Variants in MCTP1 observed in about 807,000 individuals in gnomAD.
MCTP1 encodes the protein multiple C2 and transmembrane domain-containing protein 1.
In MCTP1, 69 loss-of-function variants were observed where a neutral mutation model predicts 120.6. The ratio of observed to expected loss-of-function variants is 0.57; its 90% CI spans 0.47 to 0.70. The LOEUF (loss-of-function observed/expected upper bound fraction) is 0.70. Ranked by LOEUF, MCTP1 falls within the 30% of genes least tolerant of loss-of-function variation. The pLI is 0.00. For missense variants in MCTP1, 1,203 were observed against 1,248.8 expected (o/e 0.96, Z 0.55); for synonymous variants, 529 against 493.1 (o/e 1.07, Z -0.96).
chr5:94,727,944 C>A (rs898202783), intron 19 of MCTP1, among the ~76,000 whole-genome samples: 5 of 152,138 alleles, frequency 3.3e-5, no homozygotes, highest in Non-Finnish European at 7.4e-5. Flanking sequence ...AAGGGCCTGG[C>A]AAATTTGAGG....
At chr5:95,067,131 G>A (rs1290419388) in intron 1 of MCTP1, among the ~76,000 whole-genome samples, 3 of 151,900 alleles carry the variant, frequency 2.0e-5, no homozygotes, top group African/African-American at 7.3e-5. Flanking sequence ...CAGATGCTGG[G>A]GAGGGGTGGG....
At chr5:95,030,647 C>T (rs1840110915) in intron 1 of MCTP1, among the ~76,000 whole-genome samples, 1 of 152,026 alleles carries the variant, frequency 6.6e-6, no homozygotes, top group Non-Finnish European at 1.5e-5. Flanking sequence ...CAGTCATACC[C>T]TCAAGGGAAA....
chr5:95,161,557 C>T (rs1280044383), intron 1 of MCTP1, among the ~76,000 whole-genome samples: 4 of 151,864 alleles, frequency 2.6e-5, no homozygotes, highest in South Asian at 4.2e-4. Flanking sequence ...TAAAATGGAT[C>T]GTATACTTCA....
chr5:95,175,495 T>G (rs1381818292), intron 1 of MCTP1, among the ~76,000 whole-genome samples: 1 of 152,158 alleles, frequency 6.6e-6, no homozygotes, highest in African/African-American at 2.4e-5. Flanking sequence ...GAGGAACAAT[T>G]AGAAAAACAT....
At chr5:94,842,966 T>C (rs36725) in intron 17 of MCTP1, among the ~76,000 whole-genome samples, 86,224 of 151,806 alleles carry the variant, frequency 0.57, 26,450 homozygotes, top group Non-Finnish European at 0.7. Context: ...CTTATTTTAA[T>C]GATACCATTA....
At chr5:94,944,669 TC>T (rs1255262163) in intron 3 of MCTP1, among the ~76,000 whole-genome samples, 18 of 152,318 alleles carry the variant, frequency 1.2e-4, no homozygotes, top group Admixed American at 9.8e-4. Flanking sequence ...TGAGAGTCTT[TC>T]CTATTATCCT....
At chr5:94,999,544 C>G (rs1473926750) in intron 2 of MCTP1, among the ~76,000 whole-genome samples, 1 of 152,166 alleles carries the variant, frequency 6.6e-6, no homozygotes, top group Non-Finnish European at 1.5e-5. Context: ...ATATTATAGA[C>G]AGAACTTTTG....
intron 2 of MCTP1, among the ~76,000 whole-genome samples, chr5:94,963,983 T>A (rs1226113066): frequency 6.6e-6 from 1 of 152,220 alleles, no homozygotes; most frequent in African/African-American, 2.4e-5. Context: ...TTTGAATTGA[T>A]ATTTTTATAT....
intron 17 of MCTP1, among the ~76,000 whole-genome samples, chr5:94,804,361 T>A (rs961843763): frequency 6.6e-6 from 1 of 152,224 alleles, no homozygotes; most frequent in African/African-American, 2.4e-5. Flanking sequence ...TTTCACAAGT[T>A]GGCTATGGAA....
intron 2 of MCTP1, among the ~76,000 whole-genome samples, chr5:95,009,061 AG>A: frequency 1.6e-4 from 1 of 6,270 alleles, no homozygotes; most frequent in African/African-American, 1.9e-4. Flanking sequence ...GGAGAAAGAG[AG>A]AGAGAGAGAG....
At chr5:94,956,727 T>C (rs929315515) in intron 2 of MCTP1, among the ~76,000 whole-genome samples, 1 of 150,190 alleles carries the variant, frequency 6.7e-6, no homozygotes, top group South Asian at 2.1e-4. Context: ...AAAAAAAGAA[T>C]GAAAAGGAAT....
In MCTP1 at chr5:94,947,601, G is replaced by T. The variant is rs1221753546; in HGVS notation, c.982-5174C>A. On this transcript the variant is annotated intron_variant, in intron 3 of 22. Coordinates refer to ENST00000515393, the MANE Select transcript of MCTP1 (RefSeq NM_024717.7). Reference sequence around the variant, plus strand: ...ATAGAGAGAGAGAGAGAGAGAGAGAGAGAGAGAGAGAGAGAGAGAGAAAGA... The same window carrying T: ...ATAGAGAGAGAGAGAGAGAGAGAGATAGAGAGAGAGAGAGAGAGAGAAAGA... 8.1e-3 allele frequency among the ~76,000 whole-genome samples: 840 copies of T among 104,158 alleles called. 26 individuals carry two copies. Among genetic ancestry groups the T allele is most frequent in the East Asian group, 0.029 (113 of 3,832 alleles). The allele number at this position is 104,158 out of a possible 152,430, so 68.3% of individuals were successfully genotyped here.
intron 2 of MCTP1, among the ~76,000 whole-genome samples, chr5:94,977,750 A>G (rs554375539): frequency 1.6e-4 from 24 of 152,296 alleles, no homozygotes; most frequent in African/African-American, 5.3e-4. Context: ...AAAACTGTAT[A>G]TTCACATGCA....
At chr5:95,065,140 AATTATT>A (rs1200638521) in intron 1 of MCTP1, among the ~76,000 whole-genome samples, 1 of 151,822 alleles carries the variant, frequency 6.6e-6, no homozygotes, top group Non-Finnish European at 1.5e-5. Flanking sequence ...ACACTACTAA[AATTATT>A]ATTAATTAAT....
At chr5:94,726,289 G>C (rs1272872410) in intron 19 of MCTP1, among the ~76,000 whole-genome samples, 1 of 152,194 alleles carries the variant, frequency 6.6e-6, no homozygotes, top group East Asian at 1.9e-4. Context: ...CCCACTGGAA[G>C]TTGTATGTCC....
rs1424308968 is a variant in MCTP1, at chr5:94,705,237, A to G, written c.*2259T>C. On this transcript the variant is annotated 3_prime_UTR_variant, in exon 23 of 23. Coordinates refer to ENST00000515393, the MANE Select transcript of MCTP1 (RefSeq NM_024717.7). The stretch of plus-strand genomic sequence containing the variant: ...GAAGGGGAAAGAAATAAATAGTTAA[A>G]ATTTTAACTATACATATTCTGTTTT... The G allele has an allele frequency of 6.6e-6, 1 of 151,500 alleles. No individual in the cohort carries two copies. The highest frequency in any genetic ancestry group is 1.5e-5 in the Non-Finnish European group (1 of 67,618). 9.4% of individuals were successfully genotyped at this position (151,500 alleles called of 1,614,324 possible).
At chr5:95,185,127 G>A (rs1749061194) in intron 1 of MCTP1, among the ~76,000 whole-genome samples, 1 of 152,158 alleles carries the variant, frequency 6.6e-6, no homozygotes, top group Non-Finnish European at 1.5e-5. Flanking sequence ...AACCCACTGG[G>A]CAGTTACAAT....
chr5:94,710,867 G>A lies in MCTP1; in HGVS notation c.2781C>T (p.Phe927=). 6.2e-7 allele frequency: 1 copy of A among 1,613,028 alleles called. No homozygotes were observed. Among genetic ancestry groups the A allele is most frequent in the Non-Finnish European group, 8.5e-7 (1 of 1,179,400 alleles). The change falls in exon 21 of 23, where the codon TTC becomes TTT. Residue 927 remains phenylalanine, a synonymous_variant. Coordinates refer to ENST00000515393, the MANE Select transcript of MCTP1 (RefSeq NM_024717.7). ...GCGGAATGCAGTACAGGATGGCTGTGAACACACAGAGGGCTACAATGGCCA... is the reference window on the plus strand; with the variant it reads ...GCGGAATGCAGTACAGGATGGCTGTAAACACACAGAGGGCTACAATGGCCA... The part of the protein sequence containing the change: ...SWLAIVALCV[F]TAILYCIPLR...
At chr5:95,198,489 A>G (rs534759142) in intron 1 of MCTP1, among the ~76,000 whole-genome samples, 2 of 152,290 alleles carry the variant, frequency 1.3e-5, no homozygotes, top group Admixed American at 1.3e-4. Context: ...ATTTTGCCCA[A>G]TTGTAGACTA....
Sources: allele counts gnomAD v4.1 joint callset (sites outside exome capture counted in the v4.1 genomes callset), GRCh38; gene constraint gnomAD v4.1.1; transcripts MANE v1.5; gene names NCBI Gene and HGNC (gene_info 2026-07-23, HGNC 2026-07-21).